The following HDAC9 variants were observed in gnomAD, a reference collection of about 807,000 sequenced individuals.
HDAC9 encodes the protein histone deacetylase 9.
A neutral mutation model predicts 139.4 loss-of-function variants in HDAC9; 41 were observed. The ratio of observed to expected loss-of-function variants is 0.29; its 90% CI spans 0.23 to 0.38. The LOEUF (loss-of-function observed/expected upper bound fraction) is 0.38. Among genes scored for constraint, HDAC9 ranks in the 10% least tolerant of loss-of-function variants. The pLI is 1.00. For missense variants in HDAC9, 1,147 were observed against 1,297.0 expected, an observed-to-expected ratio of 0.88 and a Z score of 1.78; for synonymous variants, 517 against 476.2, an observed-to-expected ratio of 1.09 and a Z score of -1.12.
chr7:18,257,401 C>CACACA lies in HDAC9; in HGVS notation c.25+95052_25+95053insACACA, dbSNP rs1795338037. 1.8e-3 allele frequency among the ~76,000 whole-genome samples: 238 copies of CACACA among 130,942 alleles called. 2 individuals carry two copies. Among genetic ancestry groups the CACACA allele is most frequent in the African/African-American group, 6.5e-3 (225 of 34,556 alleles). 85.9% of individuals were successfully genotyped at this position (130,942 alleles called of 152,430 possible). A position where few individuals can be genotyped will look rare whatever the true frequency, so the allele number is the denominator to read the frequency against. ...CTCTCTCTCTCTCTCTCTGTCTCTC[C>CACACA]CACACACACACACACACACACACAC... On this transcript the variant is annotated intron_variant, in intron 2 of 12. Coordinates refer to the HDAC9 transcript ENST00000417496.
At chr7:18,295,092 A>T (rs1798054614) in intron 1 of HDAC9, among the ~76,000 whole-genome samples, 1 of 152,114 alleles carries the variant, frequency 6.6e-6, no homozygotes, top group Admixed American at 6.6e-5. Flanking sequence ...TGTCATGTAG[A>T]TGTTAACTGA....
At chr7:18,764,183 A>T (rs546974554) in intron 15 of HDAC9, among the ~76,000 whole-genome samples, 1 of 152,268 alleles carries the variant, frequency 6.6e-6, no homozygotes, top group East Asian at 1.9e-4. Context: ...TCATGTATGT[A>T]TGTGATGAAA....
intron 22 of HDAC9, among the ~76,000 whole-genome samples, chr7:18,932,836 G>GAAAAA (rs1315026563): frequency 3.2e-5 from 4 of 125,970 alleles, no homozygotes; most frequent in African/African-American, 5.8e-5. Context: ...AGGAAGGAAG[G>GAAAAA]AAGGAAGGAA....
At position 19,000,630 on chromosome 7, in the gene HDAC9, A is replaced by C. The variant is rs1006610884; in HGVS notation, c.*4568A>C. The stretch of plus-strand genomic sequence containing the variant: ...TAACTAGGTCAGACAATGAAACCTT[A>C]GACTTTTGATTGGGGCTGTTTGGAC... On this transcript the variant is annotated 3_prime_UTR_variant, in exon 26 of 26. Coordinates refer to ENST00000686413, the MANE Select transcript of HDAC9 (RefSeq NM_178425.4). 1 of 152,248 alleles carries C rather than the reference A, an allele frequency of 6.6e-6. No individual in the cohort carries two copies. Among genetic ancestry groups the C allele is most frequent in the African/African-American group, 2.4e-5 (1 of 41,470 alleles). 9.4% of individuals were successfully genotyped at this position (152,248 alleles called of 1,614,324 possible). A position where few individuals can be genotyped will look rare whatever the true frequency, so the allele number is the denominator to read the frequency against.
rs1791504127 is a variant in HDAC9 at position 18,784,287 on chromosome 7, A to T, written c.2215-9058A>T. 4.6e-5 allele frequency among the ~76,000 whole-genome samples: 7 copies of T among 151,832 alleles called. No homozygotes were observed. The South Asian group carries it at 1.5e-3, about 32-fold the overall frequency. ...TCTTTCGTGTCTCACCTTGTTACCC[A>T]GACTGGCCTCAAATTTCTAGACTCA... On this transcript the variant is annotated intron_variant, in intron 16 of 25. Transcript: ENST00000686413.
intron 6 of HDAC9, among the ~76,000 whole-genome samples, chr7:18,621,443 A>G (rs1840183042): frequency 1.3e-5 from 2 of 152,098 alleles, no homozygotes; most frequent in South Asian, 4.1e-4. Flanking sequence ...ATTTACAAAT[A>G]TGGATTTTGA....
At chr7:18,290,742 C>G (rs929647080) in intron 1 of HDAC9, among the ~76,000 whole-genome samples, 2 of 152,128 alleles carry the variant, frequency 1.3e-5, no homozygotes, top group African/African-American at 4.8e-5. Flanking sequence ...TTTATTATTT[C>G]AGATAGACAA....
intron 1 of HDAC9, among the ~76,000 whole-genome samples, chr7:18,129,209 T>G (rs1283964436): frequency 6.6e-6 from 1 of 152,164 alleles, no homozygotes. Context: ...CTCATTGAAC[T>G]CTTAGGATTT....
At chr7:18,345,602 A>G (rs552163352) in intron 1 of HDAC9, among the ~76,000 whole-genome samples, 2 of 151,780 alleles carry the variant, frequency 1.3e-5, no homozygotes, top group Non-Finnish European at 2.9e-5. Flanking sequence ...CAAAATTTCA[A>G]GGACAATTTT....
intron 1 of HDAC9, among the ~76,000 whole-genome samples, chr7:18,364,950 C>G (rs1471898933): frequency 6.6e-6 from 1 of 152,030 alleles, no homozygotes; most frequent in African/African-American, 2.4e-5. Context: ...AAAGTTGAGT[C>G]TGTGTGCAGG....
intron 6 of HDAC9, among the ~76,000 whole-genome samples, chr7:18,595,438 T>C (rs146633471): frequency 1.9e-3 from 282 of 152,144 alleles, no homozygotes; most frequent in Non-Finnish European, 2.9e-3. Context: ...TTATGAAAAG[T>C]GATCCATAAA....
chr7:18,375,187 T>C (rs1784894871), intron 1 of HDAC9, among the ~76,000 whole-genome samples: 1 of 152,202 alleles, frequency 6.6e-6, no homozygotes, highest in African/African-American at 2.4e-5. Context: ...TAAGATAACT[T>C]GGCTGGGTGA....
intron 1 of HDAC9, among the ~76,000 whole-genome samples, chr7:18,136,187 T>C (rs1447525959): frequency 4.0e-5 from 6 of 149,258 alleles, no homozygotes; most frequent in African/African-American, 1.5e-4. Flanking sequence ...GAGTTCATTG[T>C]AGATTCTGGA....
Position 18,168,891 on chromosome 7 carries a change from T to TG in HDAC9, c.25+6542_25+6543insG, listed in dbSNP as rs1256067548. Among the ~76,000 whole-genome samples the TG allele has an allele frequency of 1.6e-3, 189 of 114,688 alleles. 2 individuals carry two copies. The highest frequency in any genetic ancestry group is 7.7e-3 in the African/African-American group (184 of 24,048). 75.2% of individuals were successfully genotyped at this position (114,688 alleles called of 152,430 possible). A position where few individuals can be genotyped will look rare whatever the true frequency, so the allele number is the denominator to read the frequency against. On this transcript the variant is annotated intron_variant, in intron 2 of 12. Transcript: ENST00000417496. ...GTGCAAATGTCTTGTTTTTTTTTTTTTTTTTTTGTGTGTGTGTGTGTGTGT... is the reference window on the plus strand; with the variant it reads ...GTGCAAATGTCTTGTTTTTTTTTTTTGTTTTTTTGTGTGTGTGTGTGTGTGT...
At chr7:18,601,097 T>C (rs934533752) in intron 6 of HDAC9, among the ~76,000 whole-genome samples, 59 of 152,350 alleles carry the variant, frequency 3.9e-4, no homozygotes, top group African/African-American at 1.3e-3. Flanking sequence ...ACTGAGTTTT[T>C]CTATCCATGA....
At chr7:18,278,488 G>C (rs148749171) in intron 2 of HDAC9, among the ~76,000 whole-genome samples, 9 of 152,150 alleles carry the variant, frequency 5.9e-5, no homozygotes, top group Non-Finnish European at 1.2e-4. Flanking sequence ...TGCCACAGCA[G>C]CACCAATAAT....
intron 25 of HDAC9, among the ~76,000 whole-genome samples, chr7:18,982,691 G>T (rs2129342771): frequency 6.6e-6 from 1 of 152,124 alleles, no homozygotes; most frequent in African/African-American, 2.4e-5. Flanking sequence ...CGTCAATTAT[G>T]TTTGCCTGCT....
intron 1 of HDAC9, among the ~76,000 whole-genome samples, chr7:18,459,279 G>A (rs1317914035): frequency 6.6e-6 from 1 of 152,066 alleles, no homozygotes; most frequent in Non-Finnish European, 1.5e-5. Context: ...ACCAGACTGA[G>A]GTTAAAATGC....
At chr7:18,817,134 A>AGCCTC (rs2129195718) in intron 17 of HDAC9, among the ~76,000 whole-genome samples, 1 of 151,450 alleles carries the variant, frequency 6.6e-6, no homozygotes, top group African/African-American at 2.4e-5. Flanking sequence ...TCCGGGGTTC[A>AGCCTC]CGCCATTCTT....
Sources: allele counts gnomAD v4.1 joint callset (sites outside exome capture counted in the v4.1 genomes callset), GRCh38; gene constraint gnomAD v4.1.1; transcripts MANE v1.5; gene names NCBI Gene and HGNC (gene_info 2026-07-23, HGNC 2026-07-21).